Variants in ASIC2 observed in about 807,000 individuals in gnomAD.
ASIC2 encodes acid sensing ion channel subunit 2, also known as acid-sensing ion channel 2.
A neutral mutation model predicts 57.3 loss-of-function variants in ASIC2; 25 were observed. The ratio of observed to expected loss-of-function variants is 0.44; its 90% confidence interval spans 0.32 to 0.61. The LOEUF (loss-of-function observed/expected upper bound fraction) is 0.61. ASIC2 is among the 20% of genes least tolerant of loss of function. The pLI is 0.06. For missense variants in ASIC2, 641 were observed against 738.1 expected, an observed-to-expected ratio of 0.87 and a Z score of 1.52; for synonymous variants, 319 against 307.5, an observed-to-expected ratio of 1.04 and a Z score of -0.39.
intron 1 of ASIC2, among the ~76,000 whole-genome samples, chr17:33,951,979 C>T (rs1467842): frequency 1.3e-5 from 2 of 151,898 alleles, no homozygotes; most frequent in Non-Finnish European, 2.9e-5. Flanking sequence ...TGGTTACACA[C>T]GTGTGATCAA....
chr17:33,873,926 A>G (rs183015833), intron 1 of ASIC2, among the ~76,000 whole-genome samples: 364 of 152,252 alleles, frequency 2.4e-3, no homozygotes, highest in Non-Finnish European at 3.7e-3. Context: ...GCTGAAACCT[A>G]TGTCATAGCC....
chr17:33,872,673 C>T (rs569086363), intron 1 of ASIC2, among the ~76,000 whole-genome samples: 3 of 152,152 alleles, frequency 2.0e-5, no homozygotes, highest in Non-Finnish European at 4.4e-5. Flanking sequence ...AGGAACACCC[C>T]TTAAGACCCC....
chr17:33,751,742 G>A (rs1910439239), intron 1 of ASIC2, among the ~76,000 whole-genome samples: 1 of 151,936 alleles, frequency 6.6e-6, no homozygotes, highest in South Asian at 2.1e-4. Context: ...TCCCTGCATA[G>A]AATGACTTAG....
At chr17:34,120,371 G>T (rs1911571098) in intron 1 of ASIC2, among the ~76,000 whole-genome samples, 1 of 152,088 alleles carries the variant, frequency 6.6e-6, no homozygotes, top group African/African-American at 2.4e-5. Flanking sequence ...TCCCAGCTCA[G>T]TGGAAATCTG....
At chr17:33,719,403 C>G (rs953993160) in intron 1 of ASIC2, among the ~76,000 whole-genome samples, 1 of 152,172 alleles carries the variant, frequency 6.6e-6, no homozygotes, top group Non-Finnish European at 1.5e-5. Context: ...CCTTGATCTC[C>G]TACCCAGCTG....
intron 1 of ASIC2, among the ~76,000 whole-genome samples, chr17:33,418,990 A>G (rs780418147): frequency 4.6e-5 from 7 of 152,156 alleles, no homozygotes; most frequent in African/African-American, 1.2e-4. Flanking sequence ...ATTAGGAGAA[A>G]TTCATAATGT....
chr17:34,061,681 G>C (rs1027014412), intron 1 of ASIC2, among the ~76,000 whole-genome samples: 1 of 152,110 alleles, frequency 6.6e-6, no homozygotes, highest in African/African-American at 2.4e-5. Flanking sequence ...GGTGGAAAAA[G>C]GCATTTCATG....
chr17:33,111,100 C>T (rs1052150908), intron 2 of ASIC2, among the ~76,000 whole-genome samples: 25 of 152,306 alleles, frequency 1.6e-4, no homozygotes, highest in African/African-American at 5.5e-4. Flanking sequence ...TCCGTCATCA[C>T]ACTGCCTTCT....
intron 1 of ASIC2, among the ~76,000 whole-genome samples, chr17:33,372,423 C>T (rs1051884695): frequency 6.6e-6 from 1 of 151,970 alleles, no homozygotes; most frequent in Non-Finnish European, 1.5e-5. Flanking sequence ...CCCCTGGGGC[C>T]CGGGGGAATG....
At chr17:33,593,499 G>A (rs777409197) in intron 1 of ASIC2, among the ~76,000 whole-genome samples, 1 of 152,238 alleles carries the variant, frequency 6.6e-6, no homozygotes, top group Non-Finnish European at 1.5e-5. Context: ...GTGGCTAAGG[G>A]TGGGTTTCTG....
intron 1 of ASIC2, among the ~76,000 whole-genome samples, chr17:34,120,650 A>T (rs2142118694): frequency 6.7e-6 from 1 of 148,230 alleles, no homozygotes; most frequent in African/African-American, 2.5e-5. Context: ...GTCACTGCAG[A>T]TGTACTAGTT....
At chr17:33,765,505 C>G (rs1432733946) in intron 1 of ASIC2, among the ~76,000 whole-genome samples, 2 of 152,200 alleles carry the variant, frequency 1.3e-5, no homozygotes, top group African/African-American at 4.8e-5. Context: ...GATGTTGTCT[C>G]AGGCAGGTTC....
In ASIC2 at chr17:33,258,126, C is replaced by T. The variant is rs118054125; in HGVS notation, c.708+33282G>A. Among the ~76,000 whole-genome samples the T allele has an allele frequency of 9.2e-3, 1,405 of 152,304 alleles. 10 individuals carry two copies. Among genetic ancestry groups the T allele is most frequent in the South Asian group, 0.029 (139 of 4,822 alleles). On this transcript the variant is annotated intron_variant, in intron 1 of 9. Coordinates refer to ENST00000225823, the MANE Select transcript of ASIC2 (RefSeq NM_183377.2). ...ACTGTAATCAGGTAGGTGTCATTCA[C>T]GTGCATTCATTAATTCATGGGATTC... is the stretch of plus-strand genomic sequence containing the variant.
intron 1 of ASIC2, among the ~76,000 whole-genome samples, chr17:33,438,119 A>G (rs1038159472): frequency 6.6e-6 from 1 of 152,230 alleles, no homozygotes; most frequent in African/African-American, 2.4e-5. Context: ...TGGGGGCTCC[A>G]TAGTTTTAGG....
chr17:33,057,310 A>G (rs1478429891), intron 3 of ASIC2, among the ~76,000 whole-genome samples: 1 of 152,220 alleles, frequency 6.6e-6, no homozygotes, highest in African/African-American at 2.4e-5. Context: ...TAGCTTAGGA[A>G]AACTTCATTC....
chr17:33,450,155 T>C (rs770136499), intron 1 of ASIC2, among the ~76,000 whole-genome samples: 20 of 152,212 alleles, frequency 1.3e-4, no homozygotes, highest in Non-Finnish European at 1.8e-4. Flanking sequence ...GCTAGTTTAA[T>C]AAATTGTGGC....
chr17:33,639,049 C>T (rs1040123212), intron 1 of ASIC2, among the ~76,000 whole-genome samples: 7 of 151,590 alleles, frequency 4.6e-5, no homozygotes, highest in South Asian at 2.1e-4. Flanking sequence ...AGGTTGTCAC[C>T]GGTGTCTAAT....
At chr17:33,293,986 G>A (rs1905616820), upstream of ASIC2, among the ~76,000 whole-genome samples, 1 of 152,040 alleles carries the variant, frequency 6.6e-6, no homozygotes. Context: ...AGCAGGGTAG[G>A]CTCAGTGCGA....
At chr17:34,021,879 C>G (rs371757346) in intron 1 of ASIC2, among the ~76,000 whole-genome samples, 3 of 149,016 alleles carry the variant, frequency 2.0e-5, no homozygotes, top group South Asian at 4.4e-4. Context: ...GCTCTGTCAC[C>G]CGGGCTGGAG....
Sources: gnomAD v4.1 joint callset for allele counts (sites outside exome capture counted in the v4.1 genomes callset) on GRCh38, gnomAD v4.1.1 for gene constraint, MANE v1.5 for transcripts, NCBI Gene and HGNC (gene_info 2026-07-23, HGNC 2026-07-21) for gene names.